The following TNR variants were observed in gnomAD, a reference collection of about 807,000 sequenced individuals.
TNR encodes tenascin R, also known as tenascin-R.
In TNR, 45 loss-of-function variants were observed where a neutral mutation model predicts 150.4. The observed-to-expected ratio is 0.30, with a 90% CI of 0.24 to 0.38. The LOEUF (loss-of-function observed/expected upper bound fraction) is 0.38. Among genes scored for constraint, TNR ranks in the 10% least tolerant of loss-of-function variants. The pLI is 1.00. For missense variants in TNR, 1,544 were observed against 1,759.1 expected (o/e 0.88, Z 2.19); for synonymous variants, 687 against 678.4 (o/e 1.01, Z -0.20).
At chr1:175,351,939 G>C (rs1553206917) in intron 18 of TNR, among the ~76,000 whole-genome samples, 1 of 152,244 alleles carries the variant, frequency 6.6e-6, no homozygotes, top group Non-Finnish European at 1.5e-5. Context: ...GGTGTCAACT[G>C]GAGTCTTGTA....
chr1:175,594,279 A>G (rs551207499), intron 1 of TNR, among the ~76,000 whole-genome samples: 65 of 151,872 alleles, frequency 4.3e-4, no homozygotes, highest in Non-Finnish European at 8.5e-4. Flanking sequence ...ATCAGTCAAT[A>G]TAGGGAAAGG....
chr1:175,545,875 T>A (rs964774586), intron 1 of TNR, among the ~76,000 whole-genome samples: 4 of 152,216 alleles, frequency 2.6e-5, no homozygotes, highest in Non-Finnish European at 5.9e-5. Context: ...GCTATAAGCA[T>A]GGCCTGGGAA....
At position 175,685,654 on chromosome 1, in the gene TNR, C is replaced by A. The variant is rs1334336699; in HGVS notation, c.-165+57572G>T. The stretch of plus-strand genomic sequence containing the variant: ...AGGAAAAAAATAGTCAAAGTCTATA[C>A]CCTGGGATTAGAGGCGTCATCATAT... On this transcript the variant is annotated intron_variant, in intron 1 of 22. Transcript: ENST00000367674. Among the ~76,000 whole-genome samples the A allele has an allele frequency of 2.0e-5, 3 of 152,092 alleles. No homozygotes were observed. The East Asian group carries it at 5.8e-4, about 29-fold the overall frequency.
chr1:175,610,850 C>T (rs1323930264), intron 1 of TNR, among the ~76,000 whole-genome samples: 3 of 152,222 alleles, frequency 2.0e-5, no homozygotes, highest in African/African-American at 7.2e-5. Flanking sequence ...GGAGGAGATG[C>T]CACCACTGCA....
intron 2 of TNR, among the ~76,000 whole-genome samples, chr1:175,510,460 G>A (rs1439327936): frequency 4.0e-5 from 6 of 151,848 alleles, no homozygotes; most frequent in South Asian, 4.2e-4. Flanking sequence ...CCTCTATCCC[G>A]TGTCCCCCAT....
chr1:175,675,540 C>T (rs1665832784), intron 1 of TNR, among the ~76,000 whole-genome samples: 1 of 152,214 alleles, frequency 6.6e-6, no homozygotes, highest in Non-Finnish European at 1.5e-5. Context: ...CATGGTGGTT[C>T]CACACAGCAG....
chr1:175,370,339 T>C (rs1420361919), intron 9 of TNR, among the ~76,000 whole-genome samples: 4 of 4,394 alleles, frequency 9.1e-4, no homozygotes, highest in African/African-American at 1.8e-3. Flanking sequence ...TTTTGAGTAC[T>C]TTTTTTTTTT....
intron 2 of TNR, among the ~76,000 whole-genome samples, chr1:175,459,389 A>G (rs1219239680): frequency 6.6e-6 from 1 of 152,214 alleles, no homozygotes; most frequent in African/African-American, 2.4e-5. Context: ...CTGAGCCAAC[A>G]TGATTATGAA....
In TNR at chr1:175,365,257, C is replaced by A. The variant is rs761721323; in HGVS notation, c.2340G>T (p.Leu780=). Reference sequence around the variant, plus strand: ...TGGAGGAGGTCACATGAGAAAAGTGCAGATGAGAGATGGGACGGAAGCCTG... The same window carrying A: ...TGGAGGAGGTCACATGAGAAAAGTGAAGATGAGAGATGGGACGGAAGCCTG... The part of the protein sequence containing the change: ...AFTGFRPISH[L]HFSHVTSSSV... The change falls in exon 12 of 23, where the codon CTG becomes CTT. Residue 780 remains leucine, a synonymous_variant. Transcript: ENST00000367674. 9.3e-6 allele frequency: 15 copies of A among 1,610,936 alleles called. No homozygotes were observed. Among genetic ancestry groups the A allele is most frequent in the Middle Eastern group, 1.7e-4 (1 of 6,034 alleles).
intron 1 of TNR, among the ~76,000 whole-genome samples, chr1:175,546,853 C>G (rs1407401332): frequency 6.6e-6 from 1 of 152,118 alleles, no homozygotes; most frequent in Admixed American, 6.5e-5. Flanking sequence ...CTGAGTAAAA[C>G]AAGGGTCATG....
intron 1 of TNR, among the ~76,000 whole-genome samples, chr1:175,558,031 C>T (rs1201617082): frequency 8.9e-6 from 1 of 112,062 alleles, no homozygotes; most frequent in Non-Finnish European, 1.8e-5. Context: ...AACAAAAAAC[C>T]AAACACCGCA....
chr1:175,461,766 G>A (rs1306223027), intron 2 of TNR, among the ~76,000 whole-genome samples: 1 of 121,646 alleles, frequency 8.2e-6, no homozygotes, highest in Non-Finnish European at 1.7e-5. Context: ...GTTTCCTTCT[G>A]ATAGTTCCTT....
chr1:175,671,243 C>T (rs1049388567), intron 1 of TNR, among the ~76,000 whole-genome samples: 8 of 152,208 alleles, frequency 5.3e-5, no homozygotes, highest in Non-Finnish European at 8.8e-5. Flanking sequence ...GAGCCTGTGA[C>T]CACCCAGGTC....
intron 1 of TNR, among the ~76,000 whole-genome samples, chr1:175,572,630 T>C (rs1299728358): frequency 6.6e-6 from 1 of 151,658 alleles, no homozygotes; most frequent in Non-Finnish European, 1.5e-5. Context: ...TATAAGAAAC[T>C]TAGAATACAT....
At chr1:175,543,496 T>C (rs1660576517) in intron 1 of TNR, among the ~76,000 whole-genome samples, 1 of 151,912 alleles carries the variant, frequency 6.6e-6, no homozygotes, top group Non-Finnish European at 1.5e-5. Context: ...AGCCAGAGAG[T>C]AAAACTGACA....
At chr1:175,708,315 C>T (rs1666899797) in intron 1 of TNR, among the ~76,000 whole-genome samples, 2 of 152,154 alleles carry the variant, frequency 1.3e-5, no homozygotes, top group South Asian at 2.1e-4. Context: ...TCCCTGAACC[C>T]TCCTGGGGTT....
intron 1 of TNR, among the ~76,000 whole-genome samples, chr1:175,539,520 G>A (rs1660416695): frequency 6.6e-6 from 1 of 152,216 alleles, no homozygotes; most frequent in South Asian, 2.1e-4. Flanking sequence ...ATTATCTCAG[G>A]CAGAGAAAAA....
At chr1:175,632,943 T>TA in intron 1 of TNR, among the ~76,000 whole-genome samples, 1 of 152,286 alleles carries the variant, frequency 6.6e-6, no homozygotes, top group East Asian at 1.9e-4. Context: ...AAGGAACAAA[T>TA]AGTCTTTGGT....
At chr1:175,698,808 T>TCTCA (rs1666604655) in intron 1 of TNR, among the ~76,000 whole-genome samples, 1 of 149,998 alleles carries the variant, frequency 6.7e-6, no homozygotes, top group Non-Finnish European at 1.5e-5. Context: ...GCAATAAAAG[T>TCTCA]AAGACTCTGT....
Sources: gnomAD v4.1 joint callset for allele counts (sites outside exome capture counted in the v4.1 genomes callset) on GRCh38, gnomAD v4.1.1 for gene constraint, MANE v1.5 for transcripts, NCBI Gene and HGNC (gene_info 2026-07-23, HGNC 2026-07-21) for gene names.